Variants in CIT observed in about 807,000 individuals in gnomAD.
CIT encodes citron Rho-interacting kinase.
Under a neutral mutation model 272.7 loss-of-function variants are expected in CIT, and 79 were observed. The ratio of observed to expected loss-of-function variants is 0.29; its 90% CI spans 0.24 to 0.35. CIT has a LOEUF of 0.35. Ranked by LOEUF, CIT falls within the 10% of genes least tolerant of loss-of-function variation. The pLI is 1.00. For synonymous variants in CIT, 948 were observed against 995.6 expected (o/e 0.95, Z 0.90); for missense variants, 1,909 against 2,618.3 (o/e 0.73, Z 5.91).
At chr12:119,689,614 T>A (rs1279026041) in intron 47 of CIT, among the ~76,000 whole-genome samples, 1 of 148,048 alleles carries the variant, frequency 6.8e-6, no homozygotes, top group Non-Finnish European at 1.5e-5. Flanking sequence ...GTTACATGCA[T>A]ACATATTTTC....
Position 119,690,186 on chromosome 12 carries a change from C to T in CIT, c.6151G>A (p.Gly2051Arg). ...TGGGACAGCGGGGTCCTCACGGCTC[C>T]CGCAGGCAGCCGGCCCCTGCTGCTG... ...EDSSRGRLPA[G>R]AVRTPLSQVN... Residue 2051 changes from glycine (G) to arginine (R), a missense_variant, in exon 47 of 48, where the codon GGA becomes AGA. This residue lies in a region of CIT where 780 missense variants were observed against 1,067.2 expected (regional missense o/e 0.73). Coordinates refer to ENST00000392521, the MANE Select transcript of CIT (RefSeq NM_001206999.2). The surrounding 1 kb of genome is among the most constrained non-coding windows in gnomAD (Gnocchi z 6.0). 6.7e-7 allele frequency: 1 copy of T among 1,487,958 alleles called. No individual in the cohort carries two copies. The highest frequency in any genetic ancestry group is 8.9e-7 in the Non-Finnish European group (1 of 1,128,436). 92.2% of individuals were successfully genotyped at this position (1,487,958 alleles called of 1,614,324 possible).
chr12:119,733,207 A>C (rs1237868304), intron 26 of CIT, among the ~76,000 whole-genome samples: 3 of 151,382 alleles, frequency 2.0e-5, no homozygotes, highest in African/African-American at 7.3e-5. Context: ...TGAACTGATT[A>C]TTATCATTTC....
intron 43 of CIT, 62 bp downstream of exon 43, chr12:119,701,562 C>A: frequency 6.3e-7 from 1 of 1,580,518 alleles, no homozygotes; most frequent in Non-Finnish European, 8.6e-7. Flanking sequence ...CTCCTCCAAC[C>A]CCTCATGGGT....
At chr12:119,799,372 T>C (rs959169314) in intron 10 of CIT, among the ~76,000 whole-genome samples, 1 of 152,174 alleles carries the variant, frequency 6.6e-6, no homozygotes, top group African/African-American at 2.4e-5. Context: ...TCGCTGTCCT[T>C]CCACTTCGCA....
rs751090339 is a variant in CIT, at chr12:119,713,617, G to T, written c.4338C>A (p.Ser1446=). The T allele has an allele frequency of 6.2e-7, 1 of 1,614,228 alleles. No individual in the cohort carries two copies. Among genetic ancestry groups the T allele is most frequent in the South Asian group, 1.1e-5 (1 of 91,082 alleles). Residue 1446 remains serine, a synonymous_variant, in exon 34 of 48, where the codon TCC becomes TCA. Coordinates refer to ENST00000392521, the MANE Select transcript of CIT (RefSeq NM_001206999.2). This position sits in a 1 kb window ranked among gnomAD's most constrained non-coding sequence, Gnocchi z 5.2. The part of the protein sequence containing the change: ...ECQVMCHPKC[S]TCLPATCGLP... The stretch of plus-strand genomic sequence containing the variant: ...AGCCGCAGGTGGCTGGCAAGCACGT[G>T]GAGCACTTGGGGTGACACATCACCT...
chr12:119,822,225 T>G lies in CIT; in HGVS notation c.1111+595A>C, dbSNP rs368383978. On this transcript the variant is annotated intron_variant, in intron 9 of 47. Transcript: ENST00000392521. ...AAAAGAAAAAAGAGCATTGTGTGGT[T>G]TCTGTTGATAATAAACCAGGTCTTT... Among the ~76,000 whole-genome samples, 8 of 152,372 alleles carry G rather than the reference T, an allele frequency of 5.3e-5. No individual in the cohort carries two copies. In the East Asian group the frequency reaches 9.6e-4, roughly 18 times the overall value.
At chr12:119,785,176 T>G in intron 10 of CIT, 111 bp from the exon 11 acceptor site, 1 of 1,160,296 alleles carries the variant, frequency 8.6e-7, no homozygotes, top group Non-Finnish European at 1.2e-6. Context: ...GCTCTTGATG[T>G]TAGGTCAAAT....
intron 46 of CIT, among the ~76,000 whole-genome samples, chr12:119,696,025 C>G (rs1276018904): frequency 6.6e-6 from 1 of 152,136 alleles, no homozygotes; most frequent in Non-Finnish European, 1.5e-5. Flanking sequence ...AGAGGCATAA[C>G]CTATAGACAG....
chr12:119,868,016 G>A (rs1950562686), intron 3 of CIT, among the ~76,000 whole-genome samples: 2 of 152,168 alleles, frequency 1.3e-5, no homozygotes, highest in African/African-American at 4.8e-5. Flanking sequence ...ACTGCTTCAA[G>A]CCTGGAGTTT....
intron 4 of CIT, among the ~76,000 whole-genome samples, chr12:119,853,070 T>A (rs1401936298): frequency 6.6e-6 from 1 of 151,880 alleles, no homozygotes; most frequent in Non-Finnish European, 1.5e-5. Context: ...TTTGTGATTG[T>A]AATCCCAGCA....
chr12:119,867,956 T>A (rs1342752066), intron 3 of CIT, among the ~76,000 whole-genome samples: 1 of 152,144 alleles, frequency 6.6e-6, no homozygotes, highest in East Asian at 1.9e-4. Context: ...GGGCCAGGCA[T>A]GGTGGCTCAC....
At position 119,860,429 on chromosome 12, in the gene CIT, T is replaced by C. The variant is rs804737; in HGVS notation, c.239-2731A>G. ...TATTTTCCTTTTACCCTGACAATGCTGTAACAAGCCTGTCTTCCTTCCCTC... is the reference window on the plus strand; with the variant it reads ...TATTTTCCTTTTACCCTGACAATGCCGTAACAAGCCTGTCTTCCTTCCCTC... On this transcript the variant is annotated intron_variant, in intron 3 of 47. Coordinates refer to ENST00000392521, the MANE Select transcript of CIT (RefSeq NM_001206999.2). Among the ~76,000 whole-genome samples, 438 of 152,352 alleles carry C rather than the reference T, an allele frequency of 2.9e-3. 1 individual carries two copies. The highest frequency in any genetic ancestry group is 0.01 in the African/African-American group (416 of 41,592).
At chr12:119,796,509 G>A (rs1793809801) in intron 10 of CIT, among the ~76,000 whole-genome samples, 1 of 152,188 alleles carries the variant, frequency 6.6e-6, no homozygotes, top group Non-Finnish European at 1.5e-5. Flanking sequence ...GAAGGTGGTA[G>A]TTTCTTACAT....
chr12:119,723,895 T>G (rs757846545), intron 28 of CIT, among the ~76,000 whole-genome samples: 16 of 152,180 alleles, frequency 1.1e-4, no homozygotes, highest in Non-Finnish European at 2.1e-4. Flanking sequence ...ATGTATTCAG[T>G]GCTATTCAGA....
chr12:119,848,742 G>T (rs979728218), intron 5 of CIT, among the ~76,000 whole-genome samples: 3 of 151,742 alleles, frequency 2.0e-5, no homozygotes, highest in Non-Finnish European at 4.4e-5. Flanking sequence ...ATCCCCCACC[G>T]GAGCTGGGCA....
chr12:119,784,355 T>C lies in CIT; in HGVS notation c.1402-304A>G. On this transcript the variant is annotated intron_variant, in intron 11 of 47. Transcript: ENST00000392521. This position sits in a 1 kb window ranked among gnomAD's most constrained non-coding sequence, Gnocchi z 4.7. ...CACCTGTTTGCTTTTGTTTTTGTTTTGTTTTTGCAGACGTCACTTTAATTT... is the reference window on the plus strand; with the variant it reads ...CACCTGTTTGCTTTTGTTTTTGTTTCGTTTTTGCAGACGTCACTTTAATTT... 7.5e-7 allele frequency: 1 copy of C among 1,327,280 alleles called. No individual in the cohort carries two copies. The highest frequency in any genetic ancestry group is 1.4e-5 in the South Asian group (1 of 74,058). The allele number at this position is 1,327,280 out of a possible 1,614,324, so 82.2% of individuals were successfully genotyped here.
At chr12:119,689,666 CTTTT>C (rs531946559) in intron 47 of CIT, among the ~76,000 whole-genome samples, 1 of 75,078 alleles carries the variant, frequency 1.3e-5, no homozygotes, top group Non-Finnish European at 2.5e-5. Context: ...TTAGGAAGCT[CTTTT>C]TTTTTTTTTT....
intron 10 of CIT, among the ~76,000 whole-genome samples, chr12:119,789,469 A>T (rs1214809603): frequency 2.0e-5 from 3 of 152,232 alleles, no homozygotes; most frequent in Non-Finnish European, 4.4e-5. Context: ...TTAATAATTC[A>T]GTTAAAATAT....
At chr12:119,815,478 G>A (rs1252740502) in intron 9 of CIT, among the ~76,000 whole-genome samples, 1 of 152,152 alleles carries the variant, frequency 6.6e-6, no homozygotes, top group Non-Finnish European at 1.5e-5. Flanking sequence ...AGGCCGAGGT[G>A]GGCGGATTAC....
Sources: gnomAD v4.1 joint callset for allele counts (sites outside exome capture counted in the v4.1 genomes callset) on GRCh38, gnomAD v4.1.1 for gene constraint, gnomAD v4.1.1 regional missense constraint, Gnocchi (gnomAD v3.1) non-coding constraint, MANE v1.5 for transcripts, NCBI Gene and HGNC (gene_info 2026-07-23, HGNC 2026-07-21) for gene names.